Variants in DHRSX observed in about 807,000 individuals in gnomAD.
The protein encoded by DHRSX is dehydrogenase/reductase X-linked, also known as polyprenol dehydrogenase.
A neutral mutation model predicts 34.0 loss-of-function variants in DHRSX; 31 were observed. The ratio of observed to expected loss-of-function variants is 0.91; its 90% CI spans 0.69 to 1.23. DHRSX has a LOEUF of 1.23. Ranked by LOEUF, DHRSX falls within the 50% of genes most tolerant of loss-of-function variation. The probability of loss-of-function intolerance (pLI) is 0.00; values close to 1 mark genes in which losing one functional copy is unlikely to be tolerated. For missense variants in DHRSX, 414 were observed against 428.1 expected, an observed-to-expected ratio of 0.97 and a Z score of 0.29; for synonymous variants, 201 against 183.8, an observed-to-expected ratio of 1.09 and a Z score of -0.76.
intron 3 of DHRSX, among the ~76,000 whole-genome samples, chrX:2,314,413 G>GGAAGGAAGGAAGGGGA: frequency 1.3e-5 from 1 of 78,738 alleles, no homozygotes; most frequent in Non-Finnish European, 2.5e-5. Flanking sequence ...AAGAAGGGAG[G>GGAAGGAAGGAAGGGGA]GAAGGAAGGA....
intron 3 of DHRSX, among the ~76,000 whole-genome samples, chrX:2,377,715 T>C (rs1446726978): frequency 6.6e-6 from 1 of 151,386 alleles, no homozygotes; most frequent in Non-Finnish European, 1.5e-5. Context: ...ATGAAATGCA[T>C]TTCATAATTG....
At chrX:2,275,378 G>A (rs1038838857) in intron 4 of DHRSX, among the ~76,000 whole-genome samples, 17 of 151,342 alleles carry the variant, frequency 1.1e-4, no homozygotes, top group South Asian at 4.2e-4. Flanking sequence ...GTGTGGTGGC[G>A]GGCACCTGTA....
At chrX:2,380,300 CAAAAAAAAAAAAA>C (rs60910908) in intron 3 of DHRSX, among the ~76,000 whole-genome samples, 1 of 41,622 alleles carries the variant, frequency 2.4e-5, no homozygotes, top group South Asian at 1.1e-3. Context: ...GACTCCGTCT[CAAAAAAAAAAAAA>C]AAAAAAAAAA....
chrX:2,378,533 CT>C (rs2043167902), intron 3 of DHRSX, among the ~76,000 whole-genome samples: 1 of 152,052 alleles, frequency 6.6e-6, no homozygotes, highest in African/African-American at 2.4e-5. Flanking sequence ...AAGATATTTT[CT>C]CATCCTTACG....
At chrX:2,405,251 G>A (rs1910049592) in intron 3 of DHRSX, among the ~76,000 whole-genome samples, 2 of 152,136 alleles carry the variant, frequency 1.3e-5, no homozygotes. Flanking sequence ...CACTTTGGGA[G>A]GCTGAGGCGG....
At chrX:2,238,652 C>G (rs868096437) in intron 6 of DHRSX, among the ~76,000 whole-genome samples, 9 of 150,954 alleles carry the variant, frequency 6.0e-5, no homozygotes, top group Non-Finnish European at 1.3e-4. Context: ...GGCGCCATCT[C>G]GGCTTACTGC....
At chrX:2,496,570 A>C (rs2045290485) in intron 1 of DHRSX, among the ~76,000 whole-genome samples, 1 of 152,156 alleles carries the variant, frequency 6.6e-6, no homozygotes, top group Non-Finnish European at 1.5e-5. Context: ...AGAATCTCAC[A>C]AATCACCACT....
At chrX:2,299,840 G>C (rs972254994) in intron 3 of DHRSX, among the ~76,000 whole-genome samples, 34 of 128,538 alleles carry the variant, frequency 2.6e-4, no homozygotes, top group Non-Finnish European at 5.1e-4. Flanking sequence ...GGGCGACAGA[G>C]CAAGACTATG....
intron 5 of DHRSX, among the ~76,000 whole-genome samples, chrX:2,252,043 G>A (rs2016446063): frequency 6.6e-6 from 1 of 151,992 alleles, no homozygotes; most frequent in Admixed American, 6.6e-5. Flanking sequence ...TTCGAGACTA[G>A]CCTGGCCAAC....
In DHRSX at chrX:2,456,156, A is replaced by C. The variant is rs555079040; in HGVS notation, c.110-30852T>G. On this transcript the variant is annotated intron_variant, in intron 1 of 6. Transcript: ENST00000334651. ...TCACCACAGGGGTGACCCCAGAAAC[A>C]AGAGACACGACTGTAACAGGGACAA... Among the ~76,000 whole-genome samples, 7 of 152,306 alleles carry C rather than the reference A, an allele frequency of 4.6e-5. No homozygotes were observed. In the East Asian group the frequency reaches 1.3e-3, roughly 29 times the overall value.
chrX:2,355,290 T>A (rs1213397872), intron 3 of DHRSX, among the ~76,000 whole-genome samples: 1 of 152,016 alleles, frequency 6.6e-6, no homozygotes, highest in African/African-American at 2.4e-5. Flanking sequence ...GGACGACGGA[T>A]TGCTTGAGCT....
chrX:2,347,021 T>C (rs1217344647), intron 3 of DHRSX, among the ~76,000 whole-genome samples: 1 of 152,208 alleles, frequency 6.6e-6, no homozygotes. Context: ...GGTGTCTCTG[T>C]GCCATATTGT....
chrX:2,325,424 T>C (rs2042372322), intron 3 of DHRSX, among the ~76,000 whole-genome samples: 1 of 152,096 alleles, frequency 6.6e-6, no homozygotes, highest in Non-Finnish European at 1.5e-5. Context: ...GGCGGCTCCA[T>C]CTTCCCAGCA....
At chrX:2,303,805 G>A (rs867736476) in intron 3 of DHRSX, among the ~76,000 whole-genome samples, 61 of 42,046 alleles carry the variant, frequency 1.5e-3, no homozygotes, top group South Asian at 3.3e-3. Context: ...GGGTGGGTGG[G>A]TGGATGGGTG....
At chrX:2,462,502 T>C (rs954386719) in intron 1 of DHRSX, among the ~76,000 whole-genome samples, 4 of 150,808 alleles carry the variant, frequency 2.7e-5, no homozygotes, top group African/African-American at 9.8e-5. Context: ...GCCACTGTAC[T>C]GCAGCCTGGG....
At chrX:2,264,599 G>A (rs1299706780) in intron 5 of DHRSX, among the ~76,000 whole-genome samples, 2 of 146,966 alleles carry the variant, frequency 1.4e-5, no homozygotes, top group African/African-American at 5.1e-5. Context: ...AGGGAGCACT[G>A]TTCCCAGAGG....
intron 3 of DHRSX, among the ~76,000 whole-genome samples, chrX:2,390,403 G>T (rs1336841196): frequency 2.0e-5 from 3 of 151,194 alleles, no homozygotes; most frequent in Non-Finnish European, 4.4e-5. Context: ...CTCCCAAAGT[G>T]CTGGGATTAC....
At chrX:2,436,803 T>C (rs1396616001) in intron 1 of DHRSX, among the ~76,000 whole-genome samples, 2 of 151,876 alleles carry the variant, frequency 1.3e-5, no homozygotes, top group Non-Finnish European at 2.9e-5. Flanking sequence ...CACTAATTTA[T>C]TTTTATTTTT....
chrX:2,475,841 C>T (rs1363546764), intron 1 of DHRSX, among the ~76,000 whole-genome samples: 1 of 152,166 alleles, frequency 6.6e-6, no homozygotes, highest in Admixed American at 6.6e-5. Flanking sequence ...CTTCAGGGCA[C>T]CTCCATGACT....
Sources: gnomAD v4.1 joint callset for allele counts (sites outside exome capture counted in the v4.1 genomes callset) on GRCh38, gnomAD v4.1.1 for gene constraint, MANE v1.5 for transcripts, NCBI Gene and HGNC (gene_info 2026-07-23, HGNC 2026-07-21) for gene names.